The following PRKCZ variants were observed in gnomAD, a reference collection of about 807,000 sequenced individuals.
PRKCZ encodes the protein protein kinase C zeta.
PRKCZ carries 33 observed loss-of-function variants against 79.5 expected under a neutral mutation model. The observed-to-expected ratio is 0.41, with a 90% CI of 0.31 to 0.55. The LOEUF (loss-of-function observed/expected upper bound fraction) is 0.55. Ranked by LOEUF, PRKCZ falls within the 20% of genes least tolerant of loss-of-function variation. PRKCZ has a pLI of 0.19. For missense variants in PRKCZ, 578 were observed against 813.5 expected (o/e 0.71, Z 3.52); for synonymous variants, 342 against 320.9 (o/e 1.07, Z -0.70).
rs79866896 is a variant in PRKCZ, at chr1:2,100,962, C to T, written c.335-34300C>T. Among the ~76,000 whole-genome samples the T allele has an allele frequency of 2.4e-3, 363 of 149,516 alleles. 7 individuals carry two copies. The highest frequency in any genetic ancestry group is 0.015 in the East Asian group (75 of 5,082). ...TGGGGCTCCTGGCCAGTTCATCTTT[C>T]GTCCTGTGTCTGACTTTCTCTATCA... On this transcript the variant is annotated intron_variant, in intron 4 of 17. Coordinates refer to ENST00000378567, the MANE Select transcript of PRKCZ (RefSeq NM_002744.6).
intron 4 of PRKCZ, among the ~76,000 whole-genome samples, chr1:2,097,721 G>A (rs1469776167): frequency 6.6e-6 from 1 of 152,212 alleles, no homozygotes; most frequent in East Asian, 1.9e-4. Flanking sequence ...CAGGCTCCTG[G>A]GGACAGTGGC....
intron 4 of PRKCZ, among the ~76,000 whole-genome samples, chr1:2,121,189 A>AAG (rs1671811524): frequency 6.6e-6 from 1 of 152,298 alleles, no homozygotes; most frequent in East Asian, 1.9e-4. Context: ...ATTACATCCC[A>AAG]ATGGCCCCAG....
intron 4 of PRKCZ, among the ~76,000 whole-genome samples, chr1:2,062,259 C>G (rs1660745187): frequency 6.6e-6 from 1 of 152,212 alleles, no homozygotes; most frequent in Admixed American, 6.5e-5. Flanking sequence ...TCGGTCACTC[C>G]CTGTTCTGCC....
chr1:2,057,522 C>T (rs893230324), intron 3 of PRKCZ, among the ~76,000 whole-genome samples: 3 of 152,202 alleles, frequency 2.0e-5, no homozygotes, highest in African/African-American at 7.2e-5. Context: ...ACCGGGCTAC[C>T]TGGTTACAAC....
In PRKCZ at chr1:2,094,516, C is replaced by A. The variant is rs1666093894; in HGVS notation, c.334+34925C>A. Among the ~76,000 whole-genome samples the A allele has an allele frequency of 7.2e-6, 1 of 139,286 alleles. No homozygotes were observed. The highest frequency in any genetic ancestry group is 7.0e-5 in the Admixed American group (1 of 14,334). The allele number at this position is 139,286 out of a possible 152,430, so 91.4% of individuals were successfully genotyped here. Reference sequence around the variant, plus strand: ...CGCCCTCTGTGCCCGGCTCGTTGAACCTTGGGCGCTGCCCGTTCTGAGGCG... The same window carrying A: ...CGCCCTCTGTGCCCGGCTCGTTGAAACTTGGGCGCTGCCCGTTCTGAGGCG... On this transcript the variant is annotated intron_variant, in intron 4 of 17. Transcript: ENST00000378567. The surrounding 1 kb of genome is among the most constrained non-coding windows in gnomAD (Gnocchi z 7.3).
At chr1:2,155,424 ACAGTGACGG>A (rs1680799361) in intron 9 of PRKCZ, among the ~76,000 whole-genome samples, 1 of 150,616 alleles carries the variant, frequency 6.6e-6, no homozygotes, top group South Asian at 2.1e-4. Context: ...AGTGGTGATG[ACAGTGACGG>A]TTGTGATGGT....
In PRKCZ at chr1:2,149,653, C is replaced by T. The variant is rs191653292; in HGVS notation, c.687+729C>T. The stretch of plus-strand genomic sequence containing the variant: ...CGCACATCGCTTGAGTCCAGGAGCT[C>T]GAGAACAGCCTGGGCAGCATAGCGA... On this transcript the variant is annotated intron_variant, in intron 8 of 17. Transcript: ENST00000378567. This position sits in a 1 kb window ranked among gnomAD's most constrained non-coding sequence, Gnocchi z 4.1. 5.3e-5 allele frequency among the ~76,000 whole-genome samples: 8 copies of T among 152,226 alleles called. No homozygotes were observed. Among genetic ancestry groups the T allele is most frequent in the Non-Finnish European group, 7.4e-5 (5 of 68,018 alleles).
intron 9 of PRKCZ, among the ~76,000 whole-genome samples, chr1:2,153,599 G>T (rs1411377793): frequency 6.6e-6 from 1 of 152,266 alleles, no homozygotes; most frequent in Non-Finnish European, 1.5e-5. Flanking sequence ...GCCCCAAGAG[G>T]TGTGGTGCCC....
intron 1 of PRKCZ, among the ~76,000 whole-genome samples, chr1:2,055,004 G>A (rs1476446452): frequency 3.3e-5 from 5 of 150,554 alleles, no homozygotes; most frequent in Admixed American, 2.7e-4. Context: ...CTGCAGTGGC[G>A]CGATCTCGGC....
rs1675929067 is a variant in PRKCZ, at chr1:2,135,190, G to A, written c.335-72G>A. On this transcript the variant is annotated intron_variant, in intron 4 of 17. Transcript: ENST00000378567. Reference sequence around the variant, plus strand: ...GCCACCACCTGGACGGGAGTGGCCTGTCGCAGCTGCACCCTGCGTGGGCTC... The same window carrying A: ...GCCACCACCTGGACGGGAGTGGCCTATCGCAGCTGCACCCTGCGTGGGCTC... 5.2e-6 allele frequency: 7 copies of A among 1,344,878 alleles called. No homozygotes were observed. In the Admixed American group the frequency reaches 9.5e-5, roughly 18 times the overall value. The allele number at this position is 1,344,878 out of a possible 1,614,324, so 83.3% of individuals were successfully genotyped here. A position where few individuals can be genotyped will look rare whatever the true frequency, so the allele number is the denominator to read the frequency against.
Position 2,065,535 on chromosome 1 carries a change from C to T in PRKCZ, c.334+5944C>T, listed in dbSNP as rs570952557. Among the ~76,000 whole-genome samples the T allele has an allele frequency of 2.8e-4, 42 of 152,158 alleles. No individual in the cohort carries two copies. In the South Asian group the frequency reaches 4.1e-3, roughly 15 times the overall value. On this transcript the variant is annotated intron_variant, in intron 4 of 17. Coordinates refer to ENST00000378567, the MANE Select transcript of PRKCZ (RefSeq NM_002744.6). ...TCTACTAAAAATACAAAAAATTATC[C>T]GGGCGTGGTTGCAGGCGCCTGTAGT...
intron 4 of PRKCZ, among the ~76,000 whole-genome samples, chr1:2,102,435 C>T (rs890603050): frequency 9.9e-5 from 15 of 151,822 alleles, no homozygotes; most frequent in Non-Finnish European, 2.1e-4. Flanking sequence ...CAAGTTCACA[C>T]CATTCTCCTG....
intron 9 of PRKCZ, among the ~76,000 whole-genome samples, chr1:2,152,761 G>A (rs371184986): frequency 6.6e-6 from 1 of 152,234 alleles, no homozygotes; most frequent in Non-Finnish European, 1.5e-5. Flanking sequence ...ACGGAGTTGT[G>A]TGTGAGCTTT....
Position 2,149,297 on chromosome 1 carries a change from C to T in PRKCZ, c.687+373C>T, listed in dbSNP as rs1679361711. On this transcript the variant is annotated intron_variant, in intron 8 of 17. Coordinates refer to ENST00000378567, the MANE Select transcript of PRKCZ (RefSeq NM_002744.6). This position sits in a 1 kb window ranked among gnomAD's most constrained non-coding sequence, Gnocchi z 4.1. The stretch of plus-strand genomic sequence containing the variant: ...GAATTGTGTTGCCTCATTTGGCCAT[C>T]CTGGCAAACCCTCTGAAGCCCTTTC... Among the ~76,000 whole-genome samples the T allele has an allele frequency of 6.6e-6, 1 of 152,218 alleles. No homozygotes were observed. Among genetic ancestry groups the T allele is most frequent in the African/African-American group, 2.4e-5 (1 of 41,460 alleles).
chr1:2,126,491 G>A lies in PRKCZ; in HGVS notation c.335-8771G>A, dbSNP rs79329035. Among the ~76,000 whole-genome samples the A allele has an allele frequency of 3.2e-3, 491 of 151,876 alleles. 13 individuals carry two copies. In the East Asian group the frequency reaches 0.065, roughly 20 times the overall value. ...CGCCTTGGGCTGGGGACCCTGCCCC[G>A]CCGACCCTGCCATGCCCACCCCCCT... is the stretch of plus-strand genomic sequence containing the variant. On this transcript the variant is annotated intron_variant, in intron 4 of 17. Coordinates refer to ENST00000378567, the MANE Select transcript of PRKCZ (RefSeq NM_002744.6).
In PRKCZ at chr1:2,177,403, C is replaced by G. The variant is rs1453291675; in HGVS notation, c.1575+2090C>G. On this transcript the variant is annotated intron_variant, in intron 16 of 17. Transcript: ENST00000378567. This position sits in a 1 kb window ranked among gnomAD's most constrained non-coding sequence, Gnocchi z 6.4. ...CAAGCCCACCACCGTATGGGGCCCACCAGCACCATGGGATCCAGGGAGAGC... is the reference window on the plus strand; with the variant it reads ...CAAGCCCACCACCGTATGGGGCCCAGCAGCACCATGGGATCCAGGGAGAGC... Among the ~76,000 whole-genome samples, 1 of 152,224 alleles carries G rather than the reference C, an allele frequency of 6.6e-6. No individual in the cohort carries two copies. The highest frequency in any genetic ancestry group is 1.5e-5 in the Non-Finnish European group (1 of 68,042).
chr1:2,071,357 C>G, intron 4 of PRKCZ: 1 of 464,562 alleles, frequency 2.2e-6, no homozygotes, highest in Non-Finnish European at 4.3e-6. Flanking sequence ...CCGGCGGCGT[C>G]TGAGAGGAGG....
intron 4 of PRKCZ, among the ~76,000 whole-genome samples, chr1:2,106,102 C>T (rs911899551): frequency 7.2e-5 from 11 of 152,202 alleles, no homozygotes; most frequent in Non-Finnish European, 1.0e-4. Flanking sequence ...CCCAGGACTT[C>T]GATGGGGTGT....
At chr1:2,072,205 G>A (rs1661660852) in intron 4 of PRKCZ, among the ~76,000 whole-genome samples, 1 of 152,344 alleles carries the variant, frequency 6.6e-6, no homozygotes, top group South Asian at 2.1e-4. Context: ...AGAAGTGGCC[G>A]TGCCTCGTGG....
Sources: allele counts gnomAD v4.1 joint callset (sites outside exome capture counted in the v4.1 genomes callset), GRCh38; gene constraint gnomAD v4.1.1; non-coding constraint Gnocchi (gnomAD v3.1); transcripts MANE v1.5; gene names NCBI Gene and HGNC (gene_info 2026-07-23, HGNC 2026-07-21).